Variants in PARP1 observed in about 807,000 individuals in gnomAD.
PARP1 encodes poly(ADP-ribose) polymerase 1.
In PARP1, 44 loss-of-function variants were observed where a neutral mutation model predicts 118.7. The ratio of observed to expected loss-of-function variants is 0.37; its 90% confidence interval spans 0.29 to 0.48. PARP1 has a LOEUF of 0.48. Among genes scored for constraint, PARP1 ranks in the 20% least tolerant of loss-of-function variants. The pLI is 0.99. For synonymous variants in PARP1, 492 were observed against 483.2 expected (o/e 1.02, Z -0.24); for missense variants, 1,100 against 1,272.4 (o/e 0.86, Z 2.06).
chr1:226,399,073 CTTTTT>C (rs34094559), intron 2 of PARP1, among the ~76,000 whole-genome samples: 4 of 125,790 alleles, frequency 3.2e-5, no homozygotes, highest in African/African-American at 1.2e-4. Context: ...ATGGAGGAAT[CTTTTT>C]TTTTTTTTTT....
chr1:226,398,672 A>G (rs189544184), intron 2 of PARP1, among the ~76,000 whole-genome samples: 4 of 152,348 alleles, frequency 2.6e-5, no homozygotes, highest in Admixed American at 1.3e-4. Context: ...AAAATACTAT[A>G]TATCTATTGG....
intron 17 of PARP1, 123 bp downstream of exon 17, chr1:226,367,357 A>G (rs1576391194): frequency 1.7e-6 from 2 of 1,200,408 alleles, no homozygotes; most frequent in East Asian, 4.7e-5. Context: ...AAAGTGAATT[A>G]TTGGGCGCCA....
At chr1:226,364,143 A>C in intron 19 of PARP1, 73 bp from the exon 20 acceptor site, 1 of 1,506,346 alleles carries the variant, frequency 6.6e-7, no homozygotes, top group Non-Finnish European at 9.2e-7. Flanking sequence ...CTGAGTGCCA[A>C]CTTGAGCAAG....
chr1:226,361,517 C>T lies in PARP1; in HGVS notation c.2988G>A (p.Gln996=), dbSNP rs1418377811. The change falls in exon 23 of 23, where the codon CAG becomes CAA. Residue 996 remains glutamine (Q), a synonymous_variant. Coordinates refer to ENST00000366794, the MANE Select transcript of PARP1 (RefSeq NM_001618.4). ...GTTTCAGCAGATACTTCAGATTTAC[C>T]TGAGCAATATCATAGACAATGTACC... ...YNEYIVYDIA[Q]VNLKYLLKLK... The T allele has an allele frequency of 1.2e-6, 2 of 1,612,188 alleles. No individual in the cohort carries two copies. Among genetic ancestry groups the T allele is most frequent in the African/African-American group, 1.3e-5 (1 of 74,862 alleles).
Position 226,363,128 on chromosome 1 carries a change from T to C in PARP1, c.2819A>G (p.Lys940Arg), listed in dbSNP as rs3219145. 10,463 of 1,613,868 alleles carry C rather than the reference T, an allele frequency of 6.5e-3. 432 individuals carry two copies. The South Asian group carries it at 0.076, about 12-fold the overall frequency. ...GACACTGTGCTTGCCCTTGGGTAAC[T>C]TGCTGATATGTGAAGCGTGCTTCAG... The part of the protein sequence containing the change: ...YELKHASHIS[K>R]LPKGKHSVKG... Residue 940 changes from lysine to arginine, a missense_variant, in exon 21 of 23, where the codon AAG becomes AGG. Lys to Arg is a conservative substitution (Grantham distance 26, BLOSUM62 2). Transcript: ENST00000366794.
At position 226,379,300 on chromosome 1, in the gene PARP1, G is replaced by A. The variant is rs749557731; in HGVS notation, c.1613-26C>T. ...CTGTCCCAGAGGAAAAGCACCTACA[G>A]TTTTCTCTCCCCTTGAGGTGCTAGC... is the stretch of plus-strand genomic sequence containing the variant. On this transcript the variant is annotated intron_variant, in intron 11 of 22. Transcript: ENST00000366794. 9.9e-6 allele frequency: 16 copies of A among 1,614,064 alleles called. No homozygotes were observed. The South Asian group carries it at 1.4e-4, about 14-fold the overall frequency.
chr1:226,393,400 G>GATCAAATGGC (rs1317643115), intron 2 of PARP1, among the ~76,000 whole-genome samples: 1 of 152,168 alleles, frequency 6.6e-6, no homozygotes, highest in African/African-American at 2.4e-5. Flanking sequence ...TTGATCCATG[G>GATCAAATGGC]ATCCAGTGAG....
Position 226,393,176 on chromosome 1 carries a change from A to C in PARP1, c.287-862T>G, listed in dbSNP as rs1664851830. On this transcript the variant is annotated intron_variant, in intron 2 of 22. Transcript: ENST00000366794. The stretch of plus-strand genomic sequence containing the variant: ...CACTGTCAATATACAAACATACAAA[A>C]ATGTCTAATACTAGCAATAAACATA... 2.0e-5 allele frequency among the ~76,000 whole-genome samples: 3 copies of C among 152,204 alleles called. No individual in the cohort carries two copies. The South Asian group carries it at 6.2e-4, about 32-fold the overall frequency.
chr1:226,401,860 A>G, intron 2 of PARP1: 1 of 766,564 alleles, frequency 1.3e-6, no homozygotes, highest in Non-Finnish European at 2.0e-6. Flanking sequence ...CAAATGTACT[A>G]CTCTGGTGGG....
At chr1:226,363,862 C>T (rs1664201386) in intron 20 of PARP1, 81 bp downstream of exon 20, 2 of 1,502,702 alleles carry the variant, frequency 1.3e-6, no homozygotes, top group Non-Finnish European at 1.8e-6. Context: ...TTCTACTCTC[C>T]CAGCCAAGGG....
rs191026773 is a variant in PARP1, at chr1:226,396,362, A to T, written c.287-4048T>A. The stretch of plus-strand genomic sequence containing the variant: ...CCCTGTCTCAAAAAAATTTTTTTTT[A>T]AAAAAAGAAAAGGGTTAAGGTAAAT... On this transcript the variant is annotated intron_variant, in intron 2 of 22. Transcript: ENST00000366794. 7.0e-3 allele frequency among the ~76,000 whole-genome samples: 1,062 copies of T among 151,666 alleles called. 16 individuals carry two copies. Among genetic ancestry groups the T allele is most frequent in the African/African-American group, 0.024 (994 of 41,296 alleles).
chr1:226,396,260 C>T (rs1405887603), intron 2 of PARP1, among the ~76,000 whole-genome samples: 12 of 151,964 alleles, frequency 7.9e-5, no homozygotes, highest in African/African-American at 2.7e-4. Context: ...GCAGAAGAAT[C>T]GCCTGAACCC....
At chr1:226,405,982 G>A (rs1336053702) in intron 1 of PARP1, among the ~76,000 whole-genome samples, 1 of 152,020 alleles carries the variant, frequency 6.6e-6, no homozygotes, top group Non-Finnish European at 1.5e-5. Flanking sequence ...GCTCGAAAAG[G>A]AAACACTGAG....
At chr1:226,363,217 C>A (rs1664186118) in intron 20 of PARP1, 57 bp from the exon 21 acceptor site, 3 of 1,163,266 alleles carry the variant, frequency 2.6e-6, no homozygotes, top group Non-Finnish European at 2.6e-6. Context: ...TCGAAACCAA[C>A]AGTTTGATTA....
chr1:226,379,836 C>A, intron 10 of PARP1, 86 bp downstream of exon 10: 1 of 1,598,734 alleles, frequency 6.3e-7, no homozygotes, highest in Middle Eastern at 2.3e-4. Context: ...ATGTCAGGGA[C>A]ACAAAGGGAG....
chr1:226,380,955 A>G (rs771224305), intron 9 of PARP1, 113 bp downstream of exon 9: 32 of 1,172,434 alleles, frequency 2.7e-5, no homozygotes, highest in Non-Finnish European at 3.4e-5. Context: ...AGCGATGATG[A>G]TGTTAAGATC....
At position 226,402,307 on chromosome 1, in the gene PARP1, G is replaced by A. The variant is rs377491451; in HGVS notation, c.193C>T (p.Arg65Trp). The A allele has an allele frequency of 3.7e-5, 59 of 1,614,034 alleles. No homozygotes were observed. The highest frequency in any genetic ancestry group is 2.0e-4 in the South Asian group (18 of 91,084). Residue 65 changes from arginine (R) to tryptophan (W), a missense_variant, in exon 2 of 23, where the codon CGG becomes TGG. By Grantham distance (101) the Arg-to-Trp change is moderately radical. This residue lies in a region of PARP1 where 948 missense variants were observed against 1,031.8 expected (regional missense o/e 0.92). Transcript: ENST00000366794. ...SCFWKVGHSI[R>W]HPDVEVDGFS... ...CCATCCACCTCAACGTCAGGGTGCC[G>A]GATGGAGTGGCCCACCTTCCAGAAG...
intron 2 of PARP1, among the ~76,000 whole-genome samples, chr1:226,399,509 G>T (rs1008341684): frequency 6.6e-6 from 1 of 152,218 alleles, no homozygotes; most frequent in African/African-American, 2.4e-5. Context: ...GGTTACTGGA[G>T]GTTAGAGGGG....
chr1:226,402,405 G>C, intron 1 of PARP1, 26 bp from the exon 2 acceptor site: 1 of 1,604,234 alleles, frequency 6.2e-7, no homozygotes, highest in Non-Finnish European at 8.5e-7. Flanking sequence ...ACAGAGGGAA[G>C]TAAGTAAGCA....
Sources: gnomAD v4.1 joint callset for allele counts (sites outside exome capture counted in the v4.1 genomes callset) on GRCh38, gnomAD v4.1.1 for gene constraint, gnomAD v4.1.1 regional missense constraint, MANE v1.5 for transcripts, NCBI Gene and HGNC (gene_info 2026-07-23, HGNC 2026-07-21) for gene names.